Variants in NUMB observed in about 807,000 individuals in gnomAD.
NUMB encodes the protein protein numb homolog.
Under a neutral mutation model 59.7 loss-of-function variants are expected in NUMB, and 29 were observed. The ratio of observed to expected loss-of-function variants is 0.49; its 90% CI spans 0.36 to 0.66. NUMB has a LOEUF of 0.66. Among genes scored for constraint, NUMB ranks in the 30% least tolerant of loss-of-function variants. The pLI is 0.00. For missense variants in NUMB, 723 were observed against 822.0 expected (o/e 0.88, Z 1.47); for synonymous variants, 288 against 288.2 (o/e 1.00, Z 0.01).
chr14:73,326,636 G>GA lies in NUMB; in HGVS notation c.127-3433dup, dbSNP rs939988213. On this transcript the variant is annotated intron_variant, in intron 4 of 12. Transcript: ENST00000555238. Reference sequence around the variant, plus strand: ...GAGAGAAACTTTGTCTCAAAAAAAAGAAAAAAAAAAGAAAAAGAAAACTGA... The same window carrying GA: ...GAGAGAAACTTTGTCTCAAAAAAAAGAAAAAAAAAAAGAAAAAGAAAACTGA... 3.3e-4 allele frequency among the ~76,000 whole-genome samples: 46 copies of GA among 141,174 alleles called. 1 individual carries two copies. Among genetic ancestry groups the GA allele is most frequent in the South Asian group, 4.6e-4 (2 of 4,376 alleles). 92.6% of individuals were successfully genotyped at this position (141,174 alleles called of 152,430 possible).
At chr14:73,337,361 AGTG>A (rs1892386162) in intron 4 of NUMB, among the ~76,000 whole-genome samples, 1 of 151,970 alleles carries the variant, frequency 6.6e-6, no homozygotes, top group South Asian at 2.1e-4. Flanking sequence ...ATTAGCTGGG[AGTG>A]GTGGTGCATG....
At chr14:73,377,312 G>C (rs12147594) in intron 2 of NUMB, among the ~76,000 whole-genome samples, 23,822 of 152,170 alleles carry the variant, frequency 0.16, 2,697 homozygotes, top group Non-Finnish European at 0.23. Flanking sequence ...CAGACTGGGA[G>C]AAAGTATTTG....
At chr14:73,302,407 T>A (rs1427039434) in intron 6 of NUMB, among the ~76,000 whole-genome samples, 2 of 8,890 alleles carry the variant, frequency 2.2e-4, no homozygotes, top group African/African-American at 1.7e-3. Flanking sequence ...CCACATTTCT[T>A]TTTTTTTTTT....
chr14:73,432,718 TGGA>T (rs1897885588), intron 1 of NUMB, among the ~76,000 whole-genome samples: 1 of 152,030 alleles, frequency 6.6e-6, no homozygotes, highest in Non-Finnish European at 1.5e-5. Context: ...AAATCAGAAG[TGGA>T]GGAGACACAA....
intron 6 of NUMB, among the ~76,000 whole-genome samples, chr14:73,314,302 T>C (rs151218504): frequency 1.3e-5 from 2 of 152,322 alleles, no homozygotes; most frequent in East Asian, 1.9e-4. Flanking sequence ...ATTATAAATA[T>C]CTGTGAATTC....
rs903753133 is a variant in NUMB, at chr14:73,345,863, G to A, written c.126+9763C>T. Among the ~76,000 whole-genome samples, 9 of 151,930 alleles carry A rather than the reference G, an allele frequency of 5.9e-5. No homozygotes were observed. In the South Asian group the frequency reaches 8.3e-4, roughly 14 times the overall value. On this transcript the variant is annotated intron_variant, in intron 4 of 12. Coordinates refer to ENST00000555238, the MANE Select transcript of NUMB (RefSeq NM_001005743.2). The stretch of plus-strand genomic sequence containing the variant: ...GCAGAGGTTGCATTGAGCCGAGATC[G>A]CACCAGTGTACTCCGCCCTGGGGGA...
chr14:73,351,529 C>T (rs1185759452), intron 4 of NUMB, among the ~76,000 whole-genome samples: 1 of 151,398 alleles, frequency 6.6e-6, no homozygotes, highest in Non-Finnish European at 1.5e-5. Flanking sequence ...AAGTAAGATA[C>T]TTAACACAAA....
At chr14:73,286,190 ATTTTTTTTTTTTTTTTTTTTT>A (rs55711968) in intron 9 of NUMB, 2 of 72,130 alleles carry the variant, frequency 2.8e-5, no homozygotes, top group East Asian at 4.3e-4. Context: ...AAATATGGCA[ATTTTTTTTTTTTTTTTTTTTT>A]TTTTTTTTTT....
intron 1 of NUMB, among the ~76,000 whole-genome samples, chr14:73,432,599 C>T (rs117526918): frequency 0.043 from 6,577 of 152,042 alleles, 244 homozygotes; most frequent in Non-Finnish European, 0.072. Flanking sequence ...CCAAATCATA[C>T]GGGCAGGATA....
Position 73,354,682 on chromosome 14 carries a change from G to A in NUMB, c.126+944C>T, listed in dbSNP as rs187061468. 3.6e-3 allele frequency among the ~76,000 whole-genome samples: 540 copies of A among 151,348 alleles called. 1 individual carries two copies. The highest frequency in any genetic ancestry group is 0.012 in the African/African-American group (515 of 41,310). On this transcript the variant is annotated intron_variant, in intron 4 of 12. Transcript: ENST00000555238. ...ATCTCTACTAAAAATACAAAAATTA[G>A]CCGGGCATGGTGGGGCACGCCTGTA...
Position 73,276,735 on chromosome 14 carries a change from G to C in NUMB, c.1799C>G (p.Ala600Gly), listed in dbSNP as rs1888184445. Residue 600 changes from alanine (A) to glycine (G), a missense_variant, in exon 13 of 13, where the codon GCA becomes GGA. Around this residue, in one of 2 missense-constraint regions of NUMB, gnomAD observed 406 missense variants for 385.4 expected, o/e 1.05. Coordinates refer to ENST00000555238, the MANE Select transcript of NUMB (RefSeq NM_001005743.2). ...NGVDDGRLASADRHTEVPTGT... is the reference protein window; with the variant it reads ...NGVDDGRLASGDRHTEVPTGT... Reference sequence around the variant, plus strand: ...TGTAGGAACCTCTGTATGCCTGTCTGCTGAGGCCAACCTGCCATCATCTAC... The same window carrying C: ...TGTAGGAACCTCTGTATGCCTGTCTCCTGAGGCCAACCTGCCATCATCTAC... 6.2e-7 allele frequency: 1 copy of C among 1,613,982 alleles called. No individual in the cohort carries two copies. Among genetic ancestry groups the C allele is most frequent in the Non-Finnish European group, 8.5e-7 (1 of 1,179,976 alleles).
intron 1 of NUMB, among the ~76,000 whole-genome samples, chr14:73,456,259 G>A (rs1294927929): frequency 6.6e-6 from 1 of 152,002 alleles, no homozygotes; most frequent in Admixed American, 6.6e-5. Context: ...ACAGGCACGC[G>A]CCACCACGCC....
rs1052487218 is a variant in NUMB at position 73,275,270 on chromosome 14, A to C, written c.*1308T>G. 1.3e-5 allele frequency: 2 copies of C among 152,638 alleles called. No individual in the cohort carries two copies. Among genetic ancestry groups the C allele is most frequent in the African/African-American group, 4.8e-5 (2 of 41,440 alleles). The allele number at this position is 152,638 out of a possible 1,614,324, so 9.5% of individuals were successfully genotyped here. On this transcript the variant is annotated 3_prime_UTR_variant, in exon 13 of 13. Transcript: ENST00000555238. ...GCAGATTATAAATTTTCATCAGTAC[A>C]AATATATATAACTTACATTTGATTG...
chr14:73,364,278 C>T (rs1002629262), intron 3 of NUMB, among the ~76,000 whole-genome samples: 8 of 151,822 alleles, frequency 5.3e-5, no homozygotes, highest in Non-Finnish European at 8.8e-5. Flanking sequence ...TAACTTGAGG[C>T]GGATAACCTG....
intron 6 of NUMB, among the ~76,000 whole-genome samples, chr14:73,314,916 A>G (rs1891004333): frequency 6.6e-6 from 1 of 152,288 alleles, no homozygotes; most frequent in Non-Finnish European, 1.5e-5. Flanking sequence ...TAACAAATAT[A>G]ATCCCTACTT....
Position 73,415,597 on chromosome 14 carries a change from G to A in NUMB, c.-232-5529C>T, listed in dbSNP as rs373631227. 4.0e-4 allele frequency among the ~76,000 whole-genome samples: 61 copies of A among 151,178 alleles called. 1 individual carries two copies. Among genetic ancestry groups the A allele is most frequent in the African/African-American group, 1.4e-3 (59 of 41,158 alleles). On this transcript the variant is annotated intron_variant, in intron 1 of 12. Transcript: ENST00000555238. Reference sequence around the variant, plus strand: ...TTCTCCTGCCTCAGCCTCCCAAGCAGCTGGGATTACAGGCATGAGCCACCA... The same window carrying A: ...TTCTCCTGCCTCAGCCTCCCAAGCAACTGGGATTACAGGCATGAGCCACCA...
At chr14:73,401,636 C>T (rs1896424112) in intron 2 of NUMB, among the ~76,000 whole-genome samples, 1 of 145,840 alleles carries the variant, frequency 6.9e-6, no homozygotes, top group Admixed American at 6.9e-5. Flanking sequence ...GTGGCATGAC[C>T]TTGGCTCACT....
intron 2 of NUMB, among the ~76,000 whole-genome samples, chr14:73,385,000 T>A (rs967372267): frequency 6.6e-6 from 1 of 150,534 alleles, no homozygotes; most frequent in African/African-American, 2.4e-5. Flanking sequence ...TTCAAGCGAT[T>A]CTCCTGCCTT....
intron 4 of NUMB, among the ~76,000 whole-genome samples, chr14:73,351,936 A>T (rs1366971033): frequency 6.6e-6 from 1 of 152,056 alleles, no homozygotes; most frequent in Non-Finnish European, 1.5e-5. Context: ...AGATGGCGCC[A>T]CTGCACTCCA....
Sources: gnomAD v4.1 joint callset for allele counts (sites outside exome capture counted in the v4.1 genomes callset) on GRCh38, gnomAD v4.1.1 for gene constraint, gnomAD v4.1.1 regional missense constraint, MANE v1.5 for transcripts, NCBI Gene and HGNC (gene_info 2026-07-23, HGNC 2026-07-21) for gene names.